POLR1B: variants seen among roughly 807,000 people sequenced by gnomAD.
POLR1B encodes the protein DNA-directed RNA polymerase I subunit RPA2.
In POLR1B, 30 loss-of-function variants were observed where a neutral mutation model predicts 105.8. The ratio of observed to expected loss-of-function variants is 0.28; its 90% CI spans 0.21 to 0.38. The LOEUF (loss-of-function observed/expected upper bound fraction) is 0.38. Among genes scored for constraint, POLR1B ranks in the 10% least tolerant of loss-of-function variants. The probability of loss-of-function intolerance (pLI) is 1.00; values close to 1 mark genes in which losing one functional copy is unlikely to be tolerated. For synonymous variants in POLR1B, 485 were observed against 505.1 expected (o/e 0.96, Z 0.53); for missense variants, 976 against 1,435.8 (o/e 0.68, Z 5.17).
At chr2:112,548,260 G>A (rs1323439085) in intron 3 of POLR1B, 1 of 152,122 alleles carries the variant, frequency 6.6e-6, no homozygotes, top group Non-Finnish European at 1.5e-5. Context: ...GTCAGATCTG[G>A]GTTTGACACA....
chr2:112,557,389 G>A (rs1011136164), intron 7 of POLR1B, among the ~76,000 whole-genome samples: 2 of 152,022 alleles, frequency 1.3e-5, no homozygotes, highest in African/African-American at 4.8e-5. Context: ...TGTGTAGTTC[G>A]TGTGATTGGT....
chr2:112,542,454 G>C (rs761089824), upstream of POLR1B: 1 of 1,608,226 alleles, frequency 6.2e-7, no homozygotes, highest in South Asian at 1.1e-5. Flanking sequence ...CTGGCGTCCG[G>C]CGTGTACCGA....
chr2:112,560,199 C>T (rs974666419), intron 9 of POLR1B, among the ~76,000 whole-genome samples: 2 of 151,810 alleles, frequency 1.3e-5, no homozygotes, highest in African/African-American at 4.8e-5. Context: ...GTGATTGTGC[C>T]GCTGCTGCAC....
chr2:112,577,954 G>A lies in POLR1B; in HGVS notation c.*2225G>A, dbSNP rs1037932952. Among the ~76,000 whole-genome samples, 5 of 151,940 alleles carry A rather than the reference G, an allele frequency of 3.3e-5. No individual in the cohort carries two copies. Among genetic ancestry groups the A allele is most frequent in the Admixed American group, 2.0e-4 (3 of 15,242 alleles). On this transcript the variant is annotated 3_prime_UTR_variant, in exon 15 of 15. Coordinates refer to ENST00000263331, the MANE Select transcript of POLR1B (RefSeq NM_019014.6). ...GAAAAAGTCGATTCTACTGACTGAC[G>A]TTTCCCCCTGCTGTTAAGAATCCCA... is the stretch of plus-strand genomic sequence containing the variant.
intron 1 of POLR1B, among the ~76,000 whole-genome samples, chr2:112,544,799 A>G (rs536776916): frequency 1.3e-5 from 2 of 152,346 alleles, no homozygotes; most frequent in South Asian, 2.1e-4. Context: ...AATTTTGCCA[A>G]GTTTCTTTGG....
chr2:112,544,123 A>G (rs1326918941), intron 1 of POLR1B, among the ~76,000 whole-genome samples: 1 of 151,876 alleles, frequency 6.6e-6, no homozygotes, highest in Non-Finnish European at 1.5e-5. Context: ...ATTTTAGAAA[A>G]GCACTAATTT....
chr2:112,559,089 G>A (rs1390025922), intron 8 of POLR1B, among the ~76,000 whole-genome samples: 1 of 151,984 alleles, frequency 6.6e-6, no homozygotes, highest in South Asian at 2.1e-4. Flanking sequence ...AACTAGTTGG[G>A]GCTAATACAG....
intron 1 of POLR1B, 136 bp from the exon 2 acceptor site, chr2:112,546,876 C>A: frequency 1.1e-6 from 1 of 951,274 alleles, no homozygotes; most frequent in Non-Finnish European, 1.6e-6. Context: ...TGGAGGTAGC[C>A]TTAACTGTCC....
At chr2:112,554,521 T>G (rs1256110562) in intron 7 of POLR1B, 5 of 152,138 alleles carry the variant, frequency 3.3e-5, no homozygotes. Context: ...TCCATAAAAT[T>G]AGATTGAAAA....
At chr2:112,546,976 A>C in intron 1 of POLR1B, 36 bp from the exon 2 acceptor site, 1 of 1,605,504 alleles carries the variant, frequency 6.2e-7, no homozygotes, top group Non-Finnish European at 8.5e-7. Context: ...ATGCCTTGGA[A>C]ATGCAAGCAA....
At chr2:112,555,832 C>T (rs539601696) in intron 7 of POLR1B, among the ~76,000 whole-genome samples, 185 of 152,228 alleles carry the variant, frequency 1.2e-3, no homozygotes, top group Middle Eastern at 0.01. Flanking sequence ...AAACAATCTT[C>T]AGAAGATACA....
rs545737016 is a variant in POLR1B, at chr2:112,562,552, G to A, written c.1613-1814G>A. Among the ~76,000 whole-genome samples, 5 of 152,154 alleles carry A rather than the reference G, an allele frequency of 3.3e-5. No homozygotes were observed. In the East Asian group the frequency reaches 7.7e-4, roughly 23 times the overall value. ...ATGAAAGTTATGTTTACACTATGCT[G>A]TAAATATTTCAATTTTAAGAATACT... On this transcript the variant is annotated intron_variant, in intron 9 of 14. Coordinates refer to ENST00000263331, the MANE Select transcript of POLR1B (RefSeq NM_019014.6).
chr2:112,564,620 T>G, intron 10 of POLR1B, 121 bp downstream of exon 10: 2 of 1,333,048 alleles, frequency 1.5e-6, no homozygotes, highest in Non-Finnish European at 2.1e-6. Flanking sequence ...GGTCACAATG[T>G]CCAGAATGCC....
rs1684995415 is a variant in POLR1B at position 112,579,242 on chromosome 2, G to GAAAGC, written c.*3517_*3521dup. Among the ~76,000 whole-genome samples the GAAAGC allele has an allele frequency of 8.9e-6, 1 of 112,516 alleles. No individual in the cohort carries two copies. The allele number at this position is 112,516 out of a possible 152,430, so 73.8% of individuals were successfully genotyped here. A position where few individuals can be genotyped will look rare whatever the true frequency, so the allele number is the denominator to read the frequency against. ...AAAAAAAAAAAAAAAAAAAAAAAAG[G>GAAAGC]AAAGCAAAATTGTAGATAAGGAGGA... On this transcript the variant is annotated 3_prime_UTR_variant, in exon 15 of 15. Coordinates refer to ENST00000263331, the MANE Select transcript of POLR1B (RefSeq NM_019014.6).
intron 11 of POLR1B, 146 bp downstream of exon 11, chr2:112,568,283 C>G (rs1328091103): frequency 1.2e-6 from 1 of 801,560 alleles, no homozygotes; most frequent in Non-Finnish European, 1.9e-6. Context: ...TTTCCACCTC[C>G]TCTATGATCA....
intron 10 of POLR1B, among the ~76,000 whole-genome samples, chr2:112,566,502 G>C (rs1339319311): frequency 6.6e-6 from 1 of 152,096 alleles, no homozygotes; most frequent in Non-Finnish European, 1.5e-5. Flanking sequence ...GTAAGGGAGG[G>C]CTTTCTTTTC....
At chr2:112,567,533 C>A (rs1429576747) in intron 10 of POLR1B, among the ~76,000 whole-genome samples, 2 of 151,938 alleles carry the variant, frequency 1.3e-5, no homozygotes, top group African/African-American at 4.8e-5. Flanking sequence ...GCACGTACCA[C>A]CACACTCAGG....
At chr2:112,559,708 G>T (rs1683865485) in intron 9 of POLR1B, 134 bp downstream of exon 9, 1 of 1,029,374 alleles carries the variant, frequency 9.7e-7, no homozygotes, top group Non-Finnish European at 1.4e-6. Flanking sequence ...TTGGCTCACT[G>T]CAAGCTCTGC....
intron 9 of POLR1B, among the ~76,000 whole-genome samples, chr2:112,563,875 C>T (rs1038254590): frequency 1.5e-4 from 23 of 152,202 alleles, no homozygotes; most frequent in East Asian, 1.2e-3. Flanking sequence ...GCAGCCTGAG[C>T]GACAGAGCAA....
Sources: gnomAD v4.1 joint callset for allele counts (sites outside exome capture counted in the v4.1 genomes callset) on GRCh38, gnomAD v4.1.1 for gene constraint, MANE v1.5 for transcripts, NCBI Gene and HGNC (gene_info 2026-07-23, HGNC 2026-07-21) for gene names.